FRMD4A: variants seen among roughly 807,000 people sequenced by gnomAD.
The protein encoded by FRMD4A is FERM domain-containing protein 4A.
FRMD4A carries 29 observed loss-of-function variants against 129.1 expected under a neutral mutation model. That is an observed-to-expected ratio of 0.22 (90% confidence interval 0.17 to 0.31). The LOEUF (loss-of-function observed/expected upper bound fraction) is 0.31. Ranked by LOEUF, FRMD4A falls within the 10% of genes least tolerant of loss-of-function variation. The pLI, the probability that FRMD4A is intolerant of heterozygous loss-of-function variation, is 1.00. For synonymous variants in FRMD4A, 634 were observed against 571.6 expected, an observed-to-expected ratio of 1.11 and a Z score of -1.56; for missense variants, 1,272 against 1,375.8, an observed-to-expected ratio of 0.92 and a Z score of 1.19.
chr10:14,032,487 G>C (rs1008919340), intron 2 of FRMD4A, among the ~76,000 whole-genome samples: 2 of 152,206 alleles, frequency 1.3e-5, no homozygotes, highest in African/African-American at 4.8e-5. Flanking sequence ...ATCACCCCTT[G>C]ACTTGCAGGA....
chr10:14,240,603 T>C (rs1253005234), intron 2 of FRMD4A, among the ~76,000 whole-genome samples: 1 of 152,174 alleles, frequency 6.6e-6, no homozygotes, highest in Non-Finnish European at 1.5e-5. Context: ...CAAATCCACA[T>C]GCCCATTATA....
intron 2 of FRMD4A, among the ~76,000 whole-genome samples, chr10:13,969,617 G>A (rs964324547): frequency 9.2e-5 from 14 of 152,212 alleles, no homozygotes; most frequent in Non-Finnish European, 2.9e-5. Flanking sequence ...TTGGGAGGCC[G>A]AGGCAGGAGG....
At chr10:14,091,303 C>A (rs1462621470) in intron 2 of FRMD4A, among the ~76,000 whole-genome samples, 1 of 152,048 alleles carries the variant, frequency 6.6e-6, no homozygotes, top group African/African-American at 2.4e-5. Context: ...GCAAACAAAT[C>A]CAACACACCA....
intron 2 of FRMD4A, among the ~76,000 whole-genome samples, chr10:13,884,168 TCACACACTCACACACACA>T (rs1564971101): frequency 4.4e-5 from 3 of 67,444 alleles, no homozygotes; most frequent in African/African-American, 6.6e-5. Flanking sequence ...ACACACACAC[TCACACACTCACACACACA>T]CACACACACT....
intron 20 of FRMD4A, among the ~76,000 whole-genome samples, 166 bp downstream of exon 20, chr10:13,660,150 C>G (rs762203139): frequency 6.6e-6 from 1 of 152,218 alleles, no homozygotes; most frequent in East Asian, 1.9e-4. Flanking sequence ...TCAACAGTGT[C>G]GGCAGCAGAG....
At chr10:13,701,247 G>A in intron 14 of FRMD4A, 93 bp downstream of exon 14, 1 of 1,189,504 alleles carries the variant, frequency 8.4e-7, no homozygotes, top group Non-Finnish European at 1.2e-6. Flanking sequence ...CCCGGGCAAG[G>A]GACATGGCGC....
chr10:14,329,147 T>A (rs376898952), intron 2 of FRMD4A, among the ~76,000 whole-genome samples: 2 of 152,212 alleles, frequency 1.3e-5, no homozygotes, highest in Non-Finnish European at 2.9e-5. Flanking sequence ...CCCCTCCTCA[T>A]TCCGAAGACA....
At position 13,702,737 on chromosome 10, in the gene FRMD4A, C is replaced by T. The variant is rs11258539; in HGVS notation, c.837-1259G>A. Among the ~76,000 whole-genome samples, 1,890 of 151,846 alleles carry T rather than the reference C, an allele frequency of 0.012. 101 individuals carry two copies. In the South Asian group the frequency reaches 0.14, roughly 11 times the overall value. ...AACATTTTTTTTCATGGCTAATTTT[C>T]CCTTAAAGAAAACAAAGCTGCCAGC... On this transcript the variant is annotated intron_variant, in intron 13 of 24. Transcript: ENST00000357447.
chr10:13,816,743 T>C (rs976822622), intron 3 of FRMD4A, among the ~76,000 whole-genome samples: 80 of 152,344 alleles, frequency 5.3e-4, no homozygotes, highest in African/African-American at 1.7e-3. Context: ...TGCCAATTAC[T>C]GGTGCTGTAA....
At chr10:14,175,962 C>CTGTCCTTATATAA (rs1374129688) in intron 2 of FRMD4A, among the ~76,000 whole-genome samples, 1 of 152,216 alleles carries the variant, frequency 6.6e-6, no homozygotes, top group Non-Finnish European at 1.5e-5. Context: ...ATATTGAGTG[C>CTGTCCTTATATAA]AACTCGCTGT....
chr10:13,740,176 C>A lies in FRMD4A; in HGVS notation c.672+18G>T, dbSNP rs369305278. The stretch of plus-strand genomic sequence containing the variant: ...CTTAGGGGAGGTTTGGTAACCTTCA[C>A]CAAATGAGTCTACTCACCTTCACTG... On this transcript the variant is annotated intron_variant, in intron 11 of 24. Transcript: ENST00000357447. 11 of 1,497,832 alleles carry A rather than the reference C, an allele frequency of 7.3e-6. No homozygotes were observed. The highest frequency in any genetic ancestry group is 5.6e-6 in the Non-Finnish European group (6 of 1,076,016). The allele number at this position is 1,497,832 out of a possible 1,614,324, so 92.8% of individuals were successfully genotyped here.
rs565460794 is a variant in FRMD4A at position 14,256,845 on chromosome 10, A to G, written c.45+73213T>C. Among the ~76,000 whole-genome samples, 16 of 152,234 alleles carry G rather than the reference A, an allele frequency of 1.1e-4. No individual in the cohort carries two copies. In the South Asian group the frequency reaches 3.3e-3, roughly 32 times the overall value. On this transcript the variant is annotated intron_variant, in intron 2 of 24. Transcript: ENST00000357447. Reference sequence around the variant, plus strand: ...AAAAAATTTTTTAAAATAAAAATAAAAAATAAATGTATATGTAATAACATA... The same window carrying G: ...AAAAAATTTTTTAAAATAAAAATAAGAAATAAATGTATATGTAATAACATA...
At chr10:13,724,275 C>T (rs1026367227) in intron 12 of FRMD4A, among the ~76,000 whole-genome samples, 20 of 152,222 alleles carry the variant, frequency 1.3e-4, no homozygotes, top group African/African-American at 4.8e-4. Flanking sequence ...GTAGTCCCAG[C>T]TACTCGGGAG....
chr10:13,999,265 C>G (rs138449865), intron 2 of FRMD4A, among the ~76,000 whole-genome samples: 6 of 152,248 alleles, frequency 3.9e-5, no homozygotes, highest in African/African-American at 1.4e-4. Context: ...CTCATCACCA[C>G]TTGACGTACT....
At chr10:14,330,245 C>A in intron 1 of FRMD4A, 62 bp from the exon 2 acceptor site, 2 of 743,066 alleles carry the variant, frequency 2.7e-6, no homozygotes, top group East Asian at 2.7e-5. Context: ...GAAGATAGGC[C>A]ACCTTTCACA....
chr10:13,714,043 T>TA (rs60312419), intron 12 of FRMD4A, among the ~76,000 whole-genome samples: 1 of 5,946 alleles, frequency 1.7e-4, no homozygotes, highest in African/African-American at 3.8e-4. Flanking sequence ...TATATATATA[T>TA]ATATATATAT....
chr10:13,762,668 C>T lies in FRMD4A; in HGVS notation c.397G>A (p.Val133Ile), dbSNP rs749399377. Residue 133 changes from valine to isoleucine, a missense_variant, in exon 7 of 25, where the codon GTT becomes ATT. Coordinates refer to ENST00000357447, the MANE Select transcript of FRMD4A (RefSeq NM_018027.5). ...KSCIYKELID[V>I]DSEVVFELAS... ...AATTCAAACACCACTTCGCTGTCAA[C>T]GTCAATAAGCTCCTGAAAGGAAAAA... The T allele has an allele frequency of 3.7e-6, 6 of 1,606,278 alleles. No homozygotes were observed. The highest frequency in any genetic ancestry group is 1.1e-5 in the South Asian group (1 of 90,800).
chr10:14,229,137 C>G (rs1843551115), intron 2 of FRMD4A, among the ~76,000 whole-genome samples: 1 of 151,494 alleles, frequency 6.6e-6, no homozygotes, highest in South Asian at 2.1e-4. Flanking sequence ...AAAACCAGGC[C>G]TTTTGAATGG....
chr10:13,860,160 A>G (rs1407371565), intron 2 of FRMD4A, among the ~76,000 whole-genome samples: 10 of 152,198 alleles, frequency 6.6e-5, no homozygotes, highest in Non-Finnish European at 1.0e-4. Context: ...GCTGCACTCT[A>G]AATACCTTTA....
Sources: allele counts gnomAD v4.1 joint callset (sites outside exome capture counted in the v4.1 genomes callset), GRCh38; gene constraint gnomAD v4.1.1; transcripts MANE v1.5; gene names NCBI Gene and HGNC (gene_info 2026-07-23, HGNC 2026-07-21).